Variants in CR1L observed in about 807,000 individuals in gnomAD.
The protein encoded by CR1L is complement C3b/C4b receptor 1 like, also known as complement component receptor 1-like protein.
A neutral mutation model predicts 62.3 loss-of-function variants in CR1L; 59 were observed. That is an observed-to-expected ratio of 0.95 (90% CI 0.77 to 1.18). CR1L has a LOEUF of 1.18. Among genes scored for constraint, CR1L ranks in the 50% most tolerant of loss-of-function variants. The pLI, the probability that CR1L is intolerant of heterozygous loss-of-function variation, is 0.00. For synonymous variants in CR1L, 279 were observed against 248.7 expected (o/e 1.12, Z -1.15); for missense variants, 700 against 702.8 (o/e 1.00, Z 0.04).
intron 1 of CR1L, among the ~76,000 whole-genome samples, chr1:207,675,922 G>A (rs1207375797): frequency 6.6e-6 from 1 of 152,112 alleles, no homozygotes; most frequent in Non-Finnish European, 1.5e-5. Flanking sequence ...GTTGAGCTTT[G>A]TTCACTCTTT....
chr1:207,697,694 A>C lies in CR1L; in HGVS notation c.1039+15A>C, dbSNP rs1488877588. ...CAGATGTGAAGGTGACTAGACTCTT[A>C]TCTGGCTTGGTATTTTTAGCTTGCG... On this transcript the variant is annotated intron_variant, in intron 6 of 11. Transcript: ENST00000508064. 6.2e-7 allele frequency: 1 copy of C among 1,613,870 alleles called. No homozygotes were observed. The highest frequency in any genetic ancestry group is 1.7e-5 in the Admixed American group (1 of 60,002).
chr1:207,718,637 G>C (rs1325504388), intron 11 of CR1L, among the ~76,000 whole-genome samples: 1 of 152,072 alleles, frequency 6.6e-6, no homozygotes, highest in Non-Finnish European at 1.5e-5. Context: ...TGGCCCGGCT[G>C]GTCTCTAACT....
intron 4 of CR1L, among the ~76,000 whole-genome samples, chr1:207,693,334 T>C (rs1490716010): frequency 1.3e-5 from 2 of 152,200 alleles, no homozygotes; most frequent in African/African-American, 4.8e-5. Context: ...GCCAGGCTGG[T>C]CTCAAACCCC....
intron 1 of CR1L, chr1:207,657,537 T>G (rs1371660642): frequency 1.3e-5 from 4 of 309,628 alleles, no homozygotes; most frequent in African/African-American, 8.6e-5. Context: ...TTTCATACAG[T>G]GTGAACTACT....
At chr1:207,680,287 T>C (rs1320707743) in intron 3 of CR1L, among the ~76,000 whole-genome samples, 1 of 152,190 alleles carries the variant, frequency 6.6e-6, no homozygotes, top group African/African-American at 2.4e-5. Context: ...ACACAAAGTC[T>C]ATTTTTTTTT....
At chr1:207,663,723 C>T (rs1663465124) in intron 1 of CR1L, among the ~76,000 whole-genome samples, 1 of 151,288 alleles carries the variant, frequency 6.6e-6, no homozygotes, top group Non-Finnish European at 1.5e-5. Context: ...GTGTCGCTCA[C>T]ACTGGGAGCT....
At position 207,701,581 on chromosome 1, in the gene CR1L, C is replaced by T. The variant is rs116015277; in HGVS notation, c.1291C>T (p.His431Tyr). The T allele has an allele frequency of 3.2e-3, 5,115 of 1,613,786 alleles. 135 individuals carry two copies. The African/African-American group carries it at 0.058, about 18-fold the overall frequency. Residue 431 changes from histidine (H) to tyrosine (Y), a missense_variant, in exon 9 of 12, where the codon CAT becomes TAT. His to Tyr is a moderately conservative substitution (Grantham distance 83). Transcript: ENST00000508064. ...CATGGTGCATGTGATCACAGACATC[C>T]ATGTTGGATCCAGAATCAACTATTC... is the stretch of plus-strand genomic sequence containing the variant. ...NGMVHVITDI[H>Y]VGSRINYSCT...
chr1:207,698,489 G>A (rs1199376902), intron 7 of CR1L, among the ~76,000 whole-genome samples: 1 of 152,148 alleles, frequency 6.6e-6, no homozygotes, highest in African/African-American at 2.4e-5. Context: ...TCTTCACAGG[G>A]TGCACATCTC....
intron 1 of CR1L, among the ~76,000 whole-genome samples, chr1:207,647,937 T>A (rs796226290): frequency 1.2e-4 from 18 of 152,256 alleles, no homozygotes; most frequent in African/African-American, 4.3e-4. Context: ...ATGTTTAGAA[T>A]AGGCTTAGTA....
chr1:207,662,462 G>A (rs138824685), intron 1 of CR1L, among the ~76,000 whole-genome samples: 2,986 of 152,070 alleles, frequency 0.02, 82 homozygotes, highest in African/African-American at 0.065. Flanking sequence ...TTGTGCATTC[G>A]TCACGTAGTT....
chr1:207,665,088 C>T (rs2102448836), intron 1 of CR1L, among the ~76,000 whole-genome samples: 1 of 152,252 alleles, frequency 6.6e-6, no homozygotes, highest in Non-Finnish European at 1.5e-5. Flanking sequence ...GAGTCTTGCT[C>T]TGTTGCCCAG....
In CR1L at chr1:207,697,967, G is replaced by GAC. The variant is rs1238756679; in HGVS notation, c.1142+96_1142+97dup. On this transcript the variant is annotated intron_variant, in intron 7 of 11. Transcript: ENST00000508064. ...ATTTGATGTGGCTTAAAAAAAGACAGACAGACAGACACACACACACACACA... is the reference window on the plus strand; with the variant it reads ...ATTTGATGTGGCTTAAAAAAAGACAGACACAGACAGACACACACACACACACA... 5.2e-6 allele frequency: 8 copies of GAC among 1,546,150 alleles called. No homozygotes were observed. The African/African-American group carries it at 9.7e-5, about 19-fold the overall frequency.
intron 1 of CR1L, among the ~76,000 whole-genome samples, chr1:207,665,760 A>G (rs545830231): frequency 6.6e-6 from 1 of 152,336 alleles, no homozygotes; most frequent in East Asian, 1.9e-4. Flanking sequence ...TTCCTCCAAT[A>G]GAATATTGGG....
chr1:207,704,672 G>T (rs1335664697), intron 9 of CR1L, among the ~76,000 whole-genome samples: 6 of 152,170 alleles, frequency 3.9e-5, no homozygotes, highest in Non-Finnish European at 8.8e-5. Context: ...CCCTCCACCA[G>T]CAAAAAGATT....
chr1:207,683,022 C>CTT (rs1663828729), intron 3 of CR1L, among the ~76,000 whole-genome samples: 1 of 131,278 alleles, frequency 7.6e-6, no homozygotes, highest in Non-Finnish European at 1.7e-5. Context: ...TTCTTTCTTT[C>CTT]TTTCCTTCCT....
chr1:207,694,338 C>T lies in CR1L; in HGVS notation c.464-15C>T. 3 of 1,613,756 alleles carry T rather than the reference C, an allele frequency of 1.9e-6. No individual in the cohort carries two copies. The highest frequency in any genetic ancestry group is 2.5e-6 in the Non-Finnish European group (3 of 1,179,752). On this transcript the variant is annotated splice_polypyrimidine_tract_variant and intron_variant, in intron 4 of 11. Transcript: ENST00000508064. Reference sequence around the variant, plus strand: ...TCATTCATTATTTAAATTGACTGTGCTCTTCCTTTCCCAGGAATTATTTGT... The same window carrying T: ...TCATTCATTATTTAAATTGACTGTGTTCTTCCTTTCCCAGGAATTATTTGT...
At chr1:207,681,528 C>A (rs1352746061) in intron 3 of CR1L, among the ~76,000 whole-genome samples, 1 of 152,196 alleles carries the variant, frequency 6.6e-6, no homozygotes, top group African/African-American at 2.4e-5. Context: ...CTTTGGGACA[C>A]AAGTTTAATA....
intron 1 of CR1L, chr1:207,657,300 A>C: frequency 7.8e-7 from 1 of 1,287,104 alleles, no homozygotes; most frequent in Non-Finnish European, 1.1e-6. Context: ...GTATGGAATC[A>C]TGCTGCTCCA....
chr1:207,677,680 G>A (rs1663719698), intron 2 of CR1L, 112 bp downstream of exon 2: 4 of 1,239,062 alleles, frequency 3.2e-6, no homozygotes, highest in Non-Finnish European at 4.5e-6. Context: ...TTGCTAAGGT[G>A]CAATACATAT....
Sources: allele counts gnomAD v4.1 joint callset (sites outside exome capture counted in the v4.1 genomes callset), GRCh38; gene constraint gnomAD v4.1.1; transcripts MANE v1.5; gene names NCBI Gene and HGNC (gene_info 2026-07-23, HGNC 2026-07-21).